The following ECM2 variants were observed in gnomAD, a reference collection of about 807,000 sequenced individuals.
ECM2 encodes the protein extracellular matrix protein 2, female organ and adipocyte specific.
ECM2 carries 57 observed loss-of-function variants against 67.5 expected under a neutral mutation model. The ratio of observed to expected loss-of-function variants is 0.84; its 90% CI spans 0.68 to 1.05. ECM2 has a LOEUF of 1.05. Ranked by LOEUF, ECM2 falls within the 50% of genes least tolerant of loss-of-function variation. ECM2 has a pLI of 0.00. For synonymous variants in ECM2, 258 were observed against 294.5 expected (o/e 0.88, Z 1.27); for missense variants, 741 against 822.8 (o/e 0.90, Z 1.22).
At position 92,535,977 on chromosome 9, in the gene ECM2, C is replaced by T; in HGVS notation, c.-72G>A. On this transcript the variant is annotated 5_prime_UTR_variant, in exon 1 of 10. Coordinates refer to ENST00000344604, the MANE Select transcript of ECM2 (RefSeq NM_001393.4). ...AGGCTTTGCTTGGTGTCATTTAAGT[C>T]TCCAGCTGAAAATGAAACAAAATCA... 1 of 512,270 alleles carries T rather than the reference C, an allele frequency of 2.0e-6. No individual in the cohort carries two copies. The highest frequency in any genetic ancestry group is 5.5e-5 in the East Asian group (1 of 18,108). The allele number at this position is 512,270 out of a possible 1,614,324, so 31.7% of individuals were successfully genotyped here.
At chr9:92,557,971 A>G in the ECM2 span, among the ~76,000 whole-genome samples, 1 of 152,166 alleles carries the variant, frequency 6.6e-6, no homozygotes, top group Non-Finnish European at 1.5e-5. Context: ...AAGTGTGTCC[A>G]AAGTTTCCTG....
At position 92,509,780 on chromosome 9, in the gene ECM2, T is replaced by G. The variant is rs570048350; in HGVS notation, c.1306+119A>C. The G allele has an allele frequency of 5.6e-5, 62 of 1,114,956 alleles. No homozygotes were observed. In the South Asian group the frequency reaches 1.1e-3, roughly 19 times the overall value. 69.1% of individuals were successfully genotyped at this position (1,114,956 alleles called of 1,614,324 possible). A position where few individuals can be genotyped will look rare whatever the true frequency, so the allele number is the denominator to read the frequency against. On this transcript the variant is annotated intron_variant, in intron 6 of 9. Coordinates refer to ENST00000344604, the MANE Select transcript of ECM2 (RefSeq NM_001393.4). Reference sequence around the variant, plus strand: ...AAGAAGTTTTATCAACTCAAATGGTTAAGTGACCTAAAAATATTTACTATT... The same window carrying G: ...AAGAAGTTTTATCAACTCAAATGGTGAAGTGACCTAAAAATATTTACTATT...
rs544584678 is a variant in ECM2, at chr9:92,512,767, T to C, written c.1055-641A>G. 2.6e-5 allele frequency among the ~76,000 whole-genome samples: 4 copies of C among 152,326 alleles called. No individual in the cohort carries two copies. In the South Asian group the frequency reaches 8.3e-4, roughly 32 times the overall value. On this transcript the variant is annotated intron_variant, in intron 4 of 9. Transcript: ENST00000344604. ...GGAAAGTGAGCATACCAGTAGTACATACCATAAAAGCCACGTGGTGACCTT... is the reference window on the plus strand; with the variant it reads ...GGAAAGTGAGCATACCAGTAGTACACACCATAAAAGCCACGTGGTGACCTT...
chr9:92,493,944 GTT>G (rs1240813139), downstream of ECM2: 46 of 660,110 alleles, frequency 7.0e-5, no homozygotes, highest in African/African-American at 7.5e-4. Flanking sequence ...TGGATCTGCT[GTT>G]AATCCAGGCC....
intron 7 of ECM2, among the ~76,000 whole-genome samples, chr9:92,502,856 G>T (rs1846773816): frequency 7.0e-6 from 1 of 141,872 alleles, no homozygotes; most frequent in Non-Finnish European, 1.5e-5. Context: ...TACGCAGGAT[G>T]GAGTGCAGTG....
the ECM2 span, among the ~76,000 whole-genome samples, chr9:92,555,214 ATTTTTTTTTTTTTTT>A: frequency 0.022 from 1,420 of 63,550 alleles, 53 homozygotes; most frequent in African/African-American, 0.11. Flanking sequence ...TTTTTTGGAA[ATTTTTTTTTTTTTTT>A]TTTTTTTTTT....
At chr9:92,493,648 C>CA (rs1185102599), downstream of ECM2, 1 of 153,038 alleles carries the variant, frequency 6.5e-6, no homozygotes, top group Non-Finnish European at 1.5e-5. Context: ...TTTTTTAGTA[C>CA]ATTATATTGT....
chr9:92,557,054 G>T, the ECM2 span, among the ~76,000 whole-genome samples: 3 of 152,174 alleles, frequency 2.0e-5, no homozygotes, highest in Admixed American at 1.3e-4. Context: ...GCATTTGTTT[G>T]TCTGAAAACG....
At chr9:92,558,489 A>G in the ECM2 span, among the ~76,000 whole-genome samples, 1 of 152,110 alleles carries the variant, frequency 6.6e-6, no homozygotes. Flanking sequence ...TTGTGATGTG[A>G]ACCATCTATG....
chr9:92,541,863 G>A, the ECM2 span, among the ~76,000 whole-genome samples: 5 of 151,936 alleles, frequency 3.3e-5, no homozygotes, highest in South Asian at 8.3e-4. Flanking sequence ...GTGCAATCTC[G>A]GCTCACTGCA....
the ECM2 span, among the ~76,000 whole-genome samples, chr9:92,543,039 T>G: frequency 6.6e-6 from 1 of 152,204 alleles, no homozygotes; most frequent in South Asian, 2.1e-4. Flanking sequence ...AATGCATGGA[T>G]TTATTTCTTG....
the ECM2 span, among the ~76,000 whole-genome samples, chr9:92,546,206 C>T: frequency 1.3e-5 from 2 of 152,146 alleles, no homozygotes; most frequent in Non-Finnish European, 2.9e-5. Context: ...CAAAACGGAC[C>T]AATCAGCTCT....
chr9:92,557,828 A>G, the ECM2 span, among the ~76,000 whole-genome samples: 6 of 152,068 alleles, frequency 3.9e-5, no homozygotes, highest in African/African-American at 1.4e-4. Context: ...TTTTTTTAGT[A>G]GAGACGGGAT....
At chr9:92,543,050 G>T in the ECM2 span, among the ~76,000 whole-genome samples, 33 of 151,990 alleles carry the variant, frequency 2.2e-4, no homozygotes, top group Non-Finnish European at 4.4e-4. Context: ...TTATTTCTTG[G>T]CTCTCTATTC....
chr9:92,510,886 G>C (rs892834135), intron 5 of ECM2, among the ~76,000 whole-genome samples: 10 of 152,272 alleles, frequency 6.6e-5, no homozygotes, highest in Admixed American at 1.3e-4. Context: ...TGTGAATGTA[G>C]AACCCTTTTA....
chr9:92,551,262 T>C, the ECM2 span, among the ~76,000 whole-genome samples: 1 of 152,130 alleles, frequency 6.6e-6, no homozygotes, highest in Non-Finnish European at 1.5e-5. Flanking sequence ...GTGAGAAATA[T>C]ATAGTACTGT....
intron 2 of ECM2, among the ~76,000 whole-genome samples, chr9:92,519,328 A>G (rs1847922617): frequency 6.6e-6 from 1 of 152,226 alleles, no homozygotes; most frequent in Non-Finnish European, 1.5e-5. Context: ...CCTTAAATTC[A>G]AATGGAAAAG....
chr9:92,547,604 AAAATAGACGAAT>A, the ECM2 span, among the ~76,000 whole-genome samples: 3 of 152,248 alleles, frequency 2.0e-5, no homozygotes, highest in African/African-American at 7.2e-5. Context: ...TGAAATGTCC[AAAATAGACGAAT>A]CCATTGAGAA....
intron 1 of ECM2, among the ~76,000 whole-genome samples, chr9:92,535,304 T>C (rs1849100763): frequency 6.6e-6 from 1 of 152,192 alleles, no homozygotes. Flanking sequence ...ATATACAGAA[T>C]TTTGCTTTGC....
Sources: gnomAD v4.1 joint callset for allele counts (sites outside exome capture counted in the v4.1 genomes callset) on GRCh38, gnomAD v4.1.1 for gene constraint, MANE v1.5 for transcripts, NCBI Gene and HGNC (gene_info 2026-07-23, HGNC 2026-07-21) for gene names.